The following SYT14 variants were observed in gnomAD, a reference collection of about 807,000 sequenced individuals.
The protein encoded by SYT14 is synaptotagmin-14.
SYT14 carries 32 observed loss-of-function variants against 74.2 expected under a neutral mutation model. The observed-to-expected ratio is 0.43, with a 90% CI of 0.33 to 0.58. SYT14 has a LOEUF of 0.58. SYT14 is among the 20% of genes least tolerant of loss of function. The probability of loss-of-function intolerance (pLI) is 0.05; values close to 1 mark genes in which losing one functional copy is unlikely to be tolerated. For missense variants in SYT14, 791 were observed against 981.8 expected, an observed-to-expected ratio of 0.81 and a Z score of 2.60; for synonymous variants, 298 against 337.7, an observed-to-expected ratio of 0.88 and a Z score of 1.29.
intron 5 of SYT14, among the ~76,000 whole-genome samples, chr1:210,082,948 G>C (rs111312000): frequency 1.3e-5 from 2 of 151,890 alleles, no homozygotes; most frequent in Non-Finnish European, 2.9e-5. Flanking sequence ...GTAGCTATAC[G>C]TGCAGTCTGG....
chr1:209,988,227 A>T (rs1446837013), intron 2 of SYT14, among the ~76,000 whole-genome samples: 1 of 152,174 alleles, frequency 6.6e-6, no homozygotes, highest in East Asian at 1.9e-4. Context: ...ATGTGCTGTC[A>T]GTCTCTTTCA....
intron 1 of SYT14, among the ~76,000 whole-genome samples, chr1:209,942,085 C>G (rs2078739597): frequency 6.6e-6 from 1 of 152,172 alleles, no homozygotes. Flanking sequence ...TCCATAGATG[C>G]TGAACCTGTG....
At chr1:209,947,600 A>T (rs1558085864) in intron 1 of SYT14, among the ~76,000 whole-genome samples, 1 of 152,214 alleles carries the variant, frequency 6.6e-6, no homozygotes. Context: ...GGATGAACAA[A>T]GTGGTTTCTT....
In SYT14 at chr1:210,166,764, TTCTG is replaced by T. The variant is rs1312811773; in HGVS notation, c.*5727_*5730del. The T allele has an allele frequency of 2.6e-5, 4 of 152,280 alleles. No individual in the cohort carries two copies. The East Asian group carries it at 7.7e-4, about 29-fold the overall frequency. 9.4% of individuals were successfully genotyped at this position (152,280 alleles called of 1,614,324 possible). Reference sequence around the variant, plus strand: ...ACATTTTATTAAGCTCTCCAGGAAATTCTGTCTGAGATCTATTGATATAGAATAT... The same window carrying T: ...ACATTTTATTAAGCTCTCCAGGAAATTCTGAGATCTATTGATATAGAATAT... On this transcript the variant is annotated 3_prime_UTR_variant, in exon 10 of 10. Transcript: ENST00000637265.
intron 1 of SYT14, among the ~76,000 whole-genome samples, chr1:209,938,823 T>C (rs917191275): frequency 6.6e-6 from 1 of 152,004 alleles, no homozygotes; most frequent in African/African-American, 2.4e-5. Flanking sequence ...TCCCCTTCTG[T>C]TTGCTGTTGT....
chr1:210,037,154 C>A (rs1291369001), intron 5 of SYT14, among the ~76,000 whole-genome samples: 1 of 151,966 alleles, frequency 6.6e-6, no homozygotes, highest in Non-Finnish European at 1.5e-5. Flanking sequence ...CTGGTTCAAT[C>A]TTGGGAGATT....
exon 7 of SYT14, chr1:210,100,360 A>G (rs983331469): frequency 8.1e-6 from 13 of 1,613,878 alleles, no homozygotes; most frequent in African/African-American, 1.3e-5. Flanking sequence ...TCGCATGAAA[A>G]AAGAAAAGAT....
chr1:210,170,628 A>T (rs2083514579), exon 10 of SYT14: 1 of 152,186 alleles, frequency 6.6e-6, no homozygotes, highest in South Asian at 2.1e-4. Flanking sequence ...TGGAATGGGT[A>T]AACATCTGAC....
At chr1:210,079,341 T>TA in intron 5 of SYT14, among the ~76,000 whole-genome samples, 1 of 152,246 alleles carries the variant, frequency 6.6e-6, no homozygotes, top group South Asian at 2.1e-4. Flanking sequence ...CTATAATTGT[T>TA]ACCGTTATAT....
intron 5 of SYT14, among the ~76,000 whole-genome samples, chr1:210,044,786 A>T (rs1350150615): frequency 6.6e-6 from 1 of 152,232 alleles, no homozygotes; most frequent in Non-Finnish European, 1.5e-5. Flanking sequence ...CTGTGCAAGC[A>T]TGGCACCAAC....
chr1:209,948,939 TACTG>T (rs1364775312), intron 1 of SYT14, among the ~76,000 whole-genome samples: 2 of 152,220 alleles, frequency 1.3e-5, no homozygotes, highest in Admixed American at 1.3e-4. Context: ...TTCCCAAAGA[TACTG>T]GCTAAGTGAC....
chr1:210,094,412 C>T (rs1284270664), exon 6 of SYT14: 1 of 1,614,008 alleles, frequency 6.2e-7, no homozygotes, highest in Admixed American at 1.7e-5. Flanking sequence ...CCCCATCTGT[C>T]ATGTACACCC....
At chr1:210,143,559 A>G (rs1201538714) in intron 7 of SYT14, among the ~76,000 whole-genome samples, 1 of 152,110 alleles carries the variant, frequency 6.6e-6, no homozygotes, top group Non-Finnish European at 1.5e-5. Flanking sequence ...TTTACCATCT[A>G]TATTATTACT....
At chr1:210,157,120 A>C (rs527971884) in intron 8 of SYT14, among the ~76,000 whole-genome samples, 1 of 152,058 alleles carries the variant, frequency 6.6e-6, no homozygotes, top group Non-Finnish European at 1.5e-5. Flanking sequence ...ACTTAATGCC[A>C]TGTTTTATTC....
At chr1:210,105,992 C>T (rs937796599) in intron 7 of SYT14, among the ~76,000 whole-genome samples, 21 of 152,140 alleles carry the variant, frequency 1.4e-4, no homozygotes, top group Non-Finnish European at 2.8e-4. Context: ...GAACTGTGAG[C>T]CAATTAAACG....
At chr1:210,048,835 G>A (rs1385743195) in intron 5 of SYT14, among the ~76,000 whole-genome samples, 1 of 152,218 alleles carries the variant, frequency 6.6e-6, no homozygotes, top group Non-Finnish European at 1.5e-5. Context: ...TCAAAAGCAA[G>A]TTAGTTACTT....
At chr1:209,958,757 A>G (rs1412262694) in intron 2 of SYT14, among the ~76,000 whole-genome samples, 1 of 152,218 alleles carries the variant, frequency 6.6e-6, no homozygotes, top group Non-Finnish European at 1.5e-5. Context: ...GTAGACAGTT[A>G]TATCATCTTC....
At chr1:209,999,933 A>G (rs2079863644) in intron 2 of SYT14, among the ~76,000 whole-genome samples, 1 of 152,188 alleles carries the variant, frequency 6.6e-6, no homozygotes, top group Admixed American at 6.5e-5. Context: ...GAAATGATAA[A>G]TACCTGAGGT....
intron 1 of SYT14, among the ~76,000 whole-genome samples, chr1:209,949,249 A>G (rs1202779099): frequency 6.6e-6 from 1 of 151,942 alleles, no homozygotes; most frequent in East Asian, 1.9e-4. Context: ...TTTTCCTTAT[A>G]CTCCTCCCAG....
Sources: gnomAD v4.1 joint callset for allele counts (sites outside exome capture counted in the v4.1 genomes callset) on GRCh38, gnomAD v4.1.1 for gene constraint, MANE v1.5 for transcripts, NCBI Gene and HGNC (gene_info 2026-07-23, HGNC 2026-07-21) for gene names.